Variants in CEP63 observed in about 807,000 individuals in gnomAD.
CEP63 encodes the protein centrosomal protein of 63 kDa.
CEP63 carries 84 observed loss-of-function variants against 89.1 expected under a neutral mutation model. The observed-to-expected ratio is 0.94, with a 90% confidence interval of 0.79 to 1.13. The LOEUF (loss-of-function observed/expected upper bound fraction) is 1.13. Among genes scored for constraint, CEP63 ranks in the 50% most tolerant of loss-of-function variants. The pLI, the probability that CEP63 is intolerant of heterozygous loss-of-function variation, is 0.00. For synonymous variants in CEP63, 267 were observed against 272.5 expected (o/e 0.98, Z 0.20); for missense variants, 838 against 813.3 (o/e 1.03, Z -0.37).
At chr3:134,545,054 C>T (rs889205832) in intron 6 of CEP63, among the ~76,000 whole-genome samples, 1 of 152,020 alleles carries the variant, frequency 6.6e-6, no homozygotes, top group African/African-American at 2.4e-5. Flanking sequence ...AGTGCAGTGG[C>T]GCAATCTCGG....
At chr3:134,625,398 G>A in the CEP63 span, among the ~76,000 whole-genome samples, 7 of 152,270 alleles carry the variant, frequency 4.6e-5, no homozygotes, top group Non-Finnish European at 5.9e-5. Flanking sequence ...TGAGAAGTCA[G>A]AAGTAGGAAA....
the CEP63 span, among the ~76,000 whole-genome samples, chr3:134,672,650 T>C: frequency 6.6e-6 from 1 of 152,228 alleles, no homozygotes; most frequent in African/African-American, 2.4e-5. Context: ...TCGTCATAAA[T>C]GGCTTCTCTT....
At chr3:134,767,316 A>G in the CEP63 span, among the ~76,000 whole-genome samples, 3 of 152,172 alleles carry the variant, frequency 2.0e-5, no homozygotes, top group African/African-American at 7.2e-5. Context: ...GAGGCCTCAA[A>G]TGGAGGCTGA....
the CEP63 span, among the ~76,000 whole-genome samples, chr3:134,648,928 G>A: frequency 6.6e-6 from 1 of 152,192 alleles, no homozygotes; most frequent in Non-Finnish European, 1.5e-5. Context: ...AAGTGAGCAA[G>A]AGTTTGTTTT....
chr3:134,529,362 A>G (rs1265843564), intron 3 of CEP63, among the ~76,000 whole-genome samples: 3 of 103,138 alleles, frequency 2.9e-5, no homozygotes, highest in South Asian at 3.0e-4. Flanking sequence ...TTTTTTTGAG[A>G]CTGAGTCTCA....
chr3:134,651,340 C>G, the CEP63 span: 4 of 1,157,062 alleles, frequency 3.5e-6, no homozygotes, highest in South Asian at 3.5e-5. Flanking sequence ...TCTGGCTGAG[C>G]GCTGCCTCAT....
At chr3:134,758,227 GTC>G in the CEP63 span, among the ~76,000 whole-genome samples, 1 of 152,154 alleles carries the variant, frequency 6.6e-6, no homozygotes, top group East Asian at 1.9e-4. Flanking sequence ...TAGGAACTGG[GTC>G]TCTTTTTCTC....
the CEP63 span, among the ~76,000 whole-genome samples, chr3:134,763,654 A>G: frequency 6.6e-6 from 1 of 152,218 alleles, no homozygotes; most frequent in African/African-American, 2.4e-5. Flanking sequence ...TTGGAGGAAT[A>G]TTCCTCCAAT....
intron 2 of CEP63, among the ~76,000 whole-genome samples, chr3:134,503,100 C>CTTTTTTTTTTTTTTTTTTTTTTTTTT (rs34673408): frequency 8.7e-5 from 8 of 92,018 alleles, no homozygotes; most frequent in African/African-American, 1.7e-4. Context: ...TGATTTCAAT[C>CTTTTTTTTTTTTTTTTTTTTTTTTTT]TTTTTTTTTT....
the CEP63 span, among the ~76,000 whole-genome samples, chr3:134,726,007 A>G: frequency 6.6e-6 from 1 of 152,204 alleles, no homozygotes; most frequent in Non-Finnish European, 1.5e-5. Flanking sequence ...TTTGTTGATT[A>G]TTTTAAGCTA....
chr3:134,750,786 G>A, the CEP63 span, among the ~76,000 whole-genome samples: 1 of 152,212 alleles, frequency 6.6e-6, no homozygotes, highest in Admixed American at 6.5e-5. Context: ...GCAGAAGAAA[G>A]GGGTTTATGT....
the CEP63 span, among the ~76,000 whole-genome samples, chr3:134,755,264 C>G: frequency 7.1e-6 from 1 of 140,278 alleles, no homozygotes; most frequent in African/African-American, 2.6e-5. Flanking sequence ...GAGCCCTGAG[C>G]CCCTGGAGGC....
chr3:134,647,588 G>A, the CEP63 span: 7 of 724,362 alleles, frequency 9.7e-6, no homozygotes, highest in South Asian at 1.2e-4. Flanking sequence ...GGTAGAGCAG[G>A]TGGATCTTGG....
the CEP63 span, among the ~76,000 whole-genome samples, chr3:134,746,260 T>G: frequency 1.3e-5 from 2 of 152,164 alleles, no homozygotes; most frequent in Non-Finnish European, 2.9e-5. Context: ...CATCCTTTTT[T>G]TTATGGCTGC....
rs774636922 is a variant in CEP63 at position 134,559,134 on chromosome 3, C to G, written c.1674-16C>G. On this transcript the variant is annotated splice_polypyrimidine_tract_variant and intron_variant, in intron 13 of 14. Coordinates refer to ENST00000675561, the MANE Select transcript of CEP63 (RefSeq NM_001353108.3). ...TACAATTTTTTATTTGTTTTGTTTT[C>G]TAATCTACCATCCAGGCCAACCCAT... 5 of 1,612,782 alleles carry G rather than the reference C, an allele frequency of 3.1e-6. No homozygotes were observed. The highest frequency in any genetic ancestry group is 4.2e-6 in the Non-Finnish European group (5 of 1,179,630).
chr3:134,492,070 CTTTTTTT>C (rs74269453), intron 1 of CEP63, among the ~76,000 whole-genome samples: 1 of 103,674 alleles, frequency 9.6e-6, no homozygotes, highest in Non-Finnish European at 1.8e-5. Flanking sequence ...TATTTGTATT[CTTTTTTT>C]TTTTTTTTTT....
chr3:134,723,274 G>T, the CEP63 span, among the ~76,000 whole-genome samples: 318 of 152,274 alleles, frequency 2.1e-3, 1 homozygote, highest in Middle Eastern at 3.4e-3. Context: ...TTGACTAGTG[G>T]CATGTGGATG....
At chr3:134,577,946 G>A (rs9756173), downstream of CEP63, among the ~76,000 whole-genome samples, 97,554 of 151,910 alleles carry the variant, frequency 0.64, 31,875 homozygotes, top group East Asian at 0.81. Context: ...TGCAAAGGAC[G>A]TGATCTCATT....
At chr3:134,567,294 G>A (rs1192736177), downstream of CEP63, among the ~76,000 whole-genome samples, 1 of 152,100 alleles carries the variant, frequency 6.6e-6, no homozygotes, top group Non-Finnish European at 1.5e-5. Context: ...GTGGGGATAG[G>A]AGGATTGGGA....
Sources: allele counts gnomAD v4.1 joint callset (sites outside exome capture counted in the v4.1 genomes callset), GRCh38; gene constraint gnomAD v4.1.1; transcripts MANE v1.5; gene names NCBI Gene and HGNC (gene_info 2026-07-23, HGNC 2026-07-21).